Variants in CDK19 observed in about 807,000 individuals in gnomAD.
CDK19 encodes cyclin-dependent kinase 19.
A neutral mutation model predicts 68.3 loss-of-function variants in CDK19; 20 were observed. The observed-to-expected ratio is 0.29, with a 90% CI of 0.21 to 0.43. The LOEUF (loss-of-function observed/expected upper bound fraction) is 0.43. Ranked by LOEUF, CDK19 falls within the 20% of genes least tolerant of loss-of-function variation. The pLI, the probability that CDK19 is intolerant of heterozygous loss-of-function variation, is 1.00. For synonymous variants in CDK19, 221 were observed against 222.8 expected (o/e 0.99, Z 0.07); for missense variants, 339 against 623.5 (o/e 0.54, Z 4.86).
intron 1 of CDK19, among the ~76,000 whole-genome samples, chr6:110,793,082 A>G (rs1015785454): frequency 6.6e-6 from 1 of 152,168 alleles, no homozygotes; most frequent in African/African-American, 2.4e-5. Context: ...TTGGTACATC[A>G]CAGTTTGTTT....
chr6:110,757,035 A>G (rs1483152692), intron 1 of CDK19, among the ~76,000 whole-genome samples: 2 of 152,194 alleles, frequency 1.3e-5, no homozygotes, highest in African/African-American at 4.8e-5. Context: ...GATAGTGGTC[A>G]GTGCAACCAA....
At chr6:110,800,677 T>C (rs1474449315) in intron 1 of CDK19, among the ~76,000 whole-genome samples, 1 of 152,024 alleles carries the variant, frequency 6.6e-6, no homozygotes, top group African/African-American at 2.4e-5. Context: ...ATTCACCACA[T>C]AAACAGAAAT....
chr6:110,733,573 A>G (rs777795410), intron 2 of CDK19, among the ~76,000 whole-genome samples: 3 of 152,182 alleles, frequency 2.0e-5, no homozygotes, highest in Admixed American at 6.5e-5. Context: ...CATCAGTACC[A>G]GTTACTCCAT....
chr6:110,731,910 A>C (rs995390995), intron 2 of CDK19, among the ~76,000 whole-genome samples: 3 of 152,182 alleles, frequency 2.0e-5, no homozygotes, highest in African/African-American at 7.2e-5. Context: ...ACAGAAGGGG[A>C]CACACAATAA....
At position 110,610,479 on chromosome 6, in the gene CDK19, G is replaced by T. The variant is rs1312094042; in HGVS notation, c.*4056C>A. On this transcript the variant is annotated 3_prime_UTR_variant, in exon 13 of 13. Transcript: ENST00000368911. The stretch of plus-strand genomic sequence containing the variant: ...TTTAGGAGATAACAGTGCATTAAGG[G>T]TTTTTTTTTTTATATAATACATACA... 3 of 145,784 alleles carry T rather than the reference G, an allele frequency of 2.1e-5. No homozygotes were observed. The highest frequency in any genetic ancestry group is 7.5e-5 in the African/African-American group (3 of 39,912). 9.0% of individuals were successfully genotyped at this position (145,784 alleles called of 1,614,324 possible).
At chr6:110,755,756 G>A (rs796065524) in intron 1 of CDK19, among the ~76,000 whole-genome samples, 9 of 152,238 alleles carry the variant, frequency 5.9e-5, no homozygotes, top group African/African-American at 1.9e-4. Flanking sequence ...CTGTACTATC[G>A]AAAGCCATCA....
At chr6:110,625,850 A>C (rs1449525767) in intron 8 of CDK19, among the ~76,000 whole-genome samples, 1 of 152,128 alleles carries the variant, frequency 6.6e-6, no homozygotes, top group Non-Finnish European at 1.5e-5. Context: ...TCTCTTTATG[A>C]TGTCTGATTT....
chr6:110,757,114 C>A (rs1301308951), intron 1 of CDK19, among the ~76,000 whole-genome samples: 1 of 152,150 alleles, frequency 6.6e-6, no homozygotes, highest in African/African-American at 2.4e-5. Context: ...TAGAAACAGA[C>A]AAAACCACAC....
intron 2 of CDK19, among the ~76,000 whole-genome samples, chr6:110,679,226 G>A (rs1023895282): frequency 1.3e-5 from 2 of 152,048 alleles, no homozygotes; most frequent in East Asian, 3.8e-4. Flanking sequence ...TGAGGTACGA[G>A]GACTGCTTGA....
chr6:110,676,427 G>A (rs1427387671), intron 2 of CDK19, among the ~76,000 whole-genome samples: 1 of 152,148 alleles, frequency 6.6e-6, no homozygotes, highest in Non-Finnish European at 1.5e-5. Context: ...GGTTTGAGAG[G>A]ACTGACTCAA....
chr6:110,641,157 C>A (rs950684387), intron 4 of CDK19, among the ~76,000 whole-genome samples: 4 of 150,700 alleles, frequency 2.7e-5, no homozygotes, highest in Admixed American at 1.3e-4. Flanking sequence ...GTTCACCATA[C>A]TAGAAAAAAA....
In CDK19 at chr6:110,612,186, C is replaced by T. The variant is rs1778062554; in HGVS notation, c.*2349G>A. On this transcript the variant is annotated 3_prime_UTR_variant, in exon 13 of 13. Coordinates refer to ENST00000368911, the MANE Select transcript of CDK19 (RefSeq NM_015076.5). ...GTCTTCTTTTATTAAAGGTAACCTCCTTGAGAGCAAGAACAGACCTTCTAT... is the reference window on the plus strand; with the variant it reads ...GTCTTCTTTTATTAAAGGTAACCTCTTTGAGAGCAAGAACAGACCTTCTAT... The T allele has an allele frequency of 6.6e-6, 1 of 152,164 alleles. No homozygotes were observed. 9.4% of individuals were successfully genotyped at this position (152,164 alleles called of 1,614,324 possible). A position where few individuals can be genotyped will look rare whatever the true frequency, so the allele number is the denominator to read the frequency against.
At chr6:110,766,654 T>C (rs1779609061) in intron 1 of CDK19, among the ~76,000 whole-genome samples, 1 of 152,156 alleles carries the variant, frequency 6.6e-6, no homozygotes, top group African/African-American at 2.4e-5. Context: ...AAGTAAAATA[T>C]GCAATGTATA....
chr6:110,695,308 C>G (rs1047737085), intron 2 of CDK19, among the ~76,000 whole-genome samples: 2 of 152,136 alleles, frequency 1.3e-5, no homozygotes, highest in East Asian at 1.9e-4. Flanking sequence ...TTCAACTGAA[C>G]GATAATAGTG....
chr6:110,676,816 C>G (rs1214038719), intron 2 of CDK19, among the ~76,000 whole-genome samples: 1 of 152,152 alleles, frequency 6.6e-6, no homozygotes, highest in East Asian at 1.9e-4. Context: ...AAACCAAAAA[C>G]TTTGAGTGAC....
chr6:110,725,700 A>T (rs555986878), intron 2 of CDK19, among the ~76,000 whole-genome samples: 38 of 152,212 alleles, frequency 2.5e-4, no homozygotes, highest in Non-Finnish European at 2.9e-5. Context: ...ACAGACAATA[A>T]GCACCTTTAA....
At chr6:110,716,050 C>T (rs1413329746) in intron 2 of CDK19, among the ~76,000 whole-genome samples, 1 of 85,766 alleles carries the variant, frequency 1.2e-5, no homozygotes, top group Non-Finnish European at 3.2e-5. Flanking sequence ...ATCCATGAGG[C>T]TCATTAAGAG....
At chr6:110,623,429 G>T in intron 8 of CDK19, 67 bp from the exon 9 acceptor site, 1 of 1,570,950 alleles carries the variant, frequency 6.4e-7, no homozygotes, top group Non-Finnish European at 8.7e-7. Flanking sequence ...TTAATGATAA[G>T]CTCCAGGATT....
intron 1 of CDK19, among the ~76,000 whole-genome samples, chr6:110,784,777 C>T (rs890650129): frequency 1.3e-5 from 2 of 152,104 alleles, no homozygotes; most frequent in Non-Finnish European, 2.9e-5. Flanking sequence ...CGTGATATAT[C>T]CACACAGTCA....
Sources: gnomAD v4.1 joint callset for allele counts (sites outside exome capture counted in the v4.1 genomes callset) on GRCh38, gnomAD v4.1.1 for gene constraint, MANE v1.5 for transcripts, NCBI Gene and HGNC (gene_info 2026-07-23, HGNC 2026-07-21) for gene names.